PMEL: variants seen among roughly 807,000 people sequenced by gnomAD.
PMEL encodes melanocyte protein PMEL.
In PMEL, 53 loss-of-function variants were observed where a neutral mutation model predicts 64.9. The observed-to-expected ratio is 0.82, with a 90% confidence interval of 0.66 to 1.03. The LOEUF (loss-of-function observed/expected upper bound fraction) is 1.03. Ranked by LOEUF, PMEL falls within the 50% of genes least tolerant of loss-of-function variation. The probability of loss-of-function intolerance (pLI) is 0.00; values close to 1 mark genes in which losing one functional copy is unlikely to be tolerated. For synonymous variants in PMEL, 299 were observed against 316.2 expected (o/e 0.95, Z 0.58); for missense variants, 716 against 814.9 (o/e 0.88, Z 1.48).
Position 55,957,364 on chromosome 12 carries a change from G to A in PMEL, c.939C>T (p.His313=), listed in dbSNP as rs765196204. 3.0e-5 allele frequency: 48 copies of A among 1,595,744 alleles called. No homozygotes were observed. Among genetic ancestry groups the A allele is most frequent in the Middle Eastern group, 3.4e-4 (2 of 5,966 alleles). The change falls in exon 6 of 11, where the codon CAC becomes CAT. Residue 313 remains histidine (H), a synonymous_variant. Transcript: ENST00000548747. The part of the protein sequence containing the change: ...SSPVPGTTDG[H]RPTAEAPNTT... ...TGTTAGGGGCCTCTGCAGTTGGCCT[G>A]TGCCCATCTGTGGTGCCTGGAACTG...
intron 3 of PMEL, among the ~76,000 whole-genome samples, chr12:55,960,941 C>T (rs939998977): frequency 1.3e-4 from 20 of 150,722 alleles, no homozygotes; most frequent in African/African-American, 3.7e-4. Flanking sequence ...CGATGGCTCA[C>T]GCCTGTAATC....
In PMEL at chr12:55,955,566, G is replaced by A. The variant is rs761008475; in HGVS notation, c.1660C>T (p.Leu554=). Residue 554 remains leucine (L), a synonymous_variant, in exon 9 of 11, where the codon CTG becomes TTG. Coordinates refer to ENST00000548747, the MANE Select transcript of PMEL (RefSeq NM_001384361.1). ...GAGCCACCCTTCAGTATCTGGTGCA[G>A]AACCAGCTGGCAGGCTGGGCTGGGT... ...VLPSPACQLV[L]HQILKGGSGT... 3 of 1,614,130 alleles carry A rather than the reference G, an allele frequency of 1.9e-6. No homozygotes were observed. In the South Asian group the frequency reaches 3.3e-5, roughly 18 times the overall value.
chr12:55,962,878 T>G (rs1372092110), intron 1 of PMEL, among the ~76,000 whole-genome samples: 1 of 151,870 alleles, frequency 6.6e-6, no homozygotes, highest in Admixed American at 6.6e-5. Flanking sequence ...AAAATTTACT[T>G]TTAGCCAGGC....
chr12:55,962,156 A>G (rs1889126247), intron 1 of PMEL, among the ~76,000 whole-genome samples: 1 of 151,118 alleles, frequency 6.6e-6, no homozygotes, highest in Non-Finnish European at 1.5e-5. Flanking sequence ...TTTAAAACTC[A>G]TTTATTTGGC....
chr12:55,964,048 T>A (rs1889198382), intron 1 of PMEL, among the ~76,000 whole-genome samples: 1 of 152,112 alleles, frequency 6.6e-6, no homozygotes, highest in African/African-American at 2.4e-5. Context: ...CAGTGGCACG[T>A]TCATCACTCA....
At chr12:55,966,581 T>C (rs1889309840), upstream of PMEL, 1 of 621,364 alleles carries the variant, frequency 1.6e-6, no homozygotes, top group Non-Finnish European at 2.1e-6. Flanking sequence ...ACTAGAGACA[T>C]AGGTAGGAAA....
chr12:55,962,947 G>A (rs1565777571), intron 1 of PMEL, among the ~76,000 whole-genome samples: 1 of 152,042 alleles, frequency 6.6e-6, no homozygotes, highest in Non-Finnish European at 1.5e-5. Flanking sequence ...TGGATCACAA[G>A]GTCAGGAGTT....
intron 10 of PMEL, among the ~76,000 whole-genome samples, chr12:55,954,765 G>A (rs1888785068): frequency 6.6e-6 from 1 of 152,190 alleles, no homozygotes; most frequent in Non-Finnish European, 1.5e-5. Context: ...TTAGCCAGGT[G>A]TGGTGGCAGG....
chr12:55,961,607 C>A lies in PMEL; in HGVS notation c.187+15G>T. The stretch of plus-strand genomic sequence containing the variant: ...ACTCCCACCATGCCCTCCCCTGGAA[C>A]TTCCAAGTTCCTACCTCTCCAGCAG... On this transcript the variant is annotated intron_variant, in intron 2 of 10. Coordinates refer to ENST00000548747, the MANE Select transcript of PMEL (RefSeq NM_001384361.1). 6.2e-7 allele frequency: 1 copy of A among 1,608,292 alleles called. No homozygotes were observed. The highest frequency in any genetic ancestry group is 8.5e-7 in the Non-Finnish European group (1 of 1,175,060).
chr12:55,961,516 A>G, intron 2 of PMEL, 53 bp from the exon 3 acceptor site: 1 of 1,606,874 alleles, frequency 6.2e-7, no homozygotes, highest in Middle Eastern at 1.8e-4. Context: ...CTCCCTGTAT[A>G]CGTTTCCCCT....
At position 55,957,414 on chromosome 12, in the gene PMEL, G is replaced by A. The variant is rs1170132257; in HGVS notation, c.889C>T (p.Pro297Ser). 3 of 1,607,084 alleles carry A rather than the reference G, an allele frequency of 1.9e-6. No homozygotes were observed. Among genetic ancestry groups the A allele is most frequent in the Non-Finnish European group, 1.7e-6 (2 of 1,175,592 alleles). Residue 297 changes from proline to serine, a missense_variant, in exon 6 of 11, where the codon CCT becomes TCT. Transcript: ENST00000548747. ...TAQVVLQAAI[P>S]LTSCGSSPVP... is the part of the protein sequence containing the mutation. ...GGGGAGGAGCCACAGGAGGTGAGAG[G>A]AATGGCAGCCTGCAGGACCACCTGG... is the stretch of plus-strand genomic sequence containing the variant.
At chr12:55,954,427 C>T in intron 10 of PMEL, 78 bp from the exon 11 acceptor site, 1 of 1,454,398 alleles carries the variant, frequency 6.9e-7, no homozygotes, top group African/African-American at 1.4e-5. Context: ...GAAGGGAACA[C>T]ACCCATATCC....
chr12:55,957,331 A>C lies in PMEL; in HGVS notation c.972T>G (p.Ala324=), dbSNP rs1255829894. 1 of 1,600,732 alleles carries C rather than the reference A, an allele frequency of 6.2e-7. No homozygotes were observed. Among genetic ancestry groups the C allele is most frequent in the South Asian group, 1.1e-5 (1 of 89,574 alleles). The stretch of plus-strand genomic sequence containing the variant: ...CAACTTCTGTAGTAGGCACTTGGCC[A>C]GCTGTGGTGTTAGGGGCCTCTGCAG... ...RPTAEAPNTT[A]GQVPTTEVVG... Residue 324 remains alanine, a synonymous_variant, in exon 6 of 11, where the codon GCT becomes GCG. Coordinates refer to ENST00000548747, the MANE Select transcript of PMEL (RefSeq NM_001384361.1).
chr12:55,963,485 AT>A (rs561968104), intron 1 of PMEL, among the ~76,000 whole-genome samples: 554 of 152,376 alleles, frequency 3.6e-3, no homozygotes, highest in Non-Finnish European at 6.7e-3. Context: ...CAAATTTAAA[AT>A]GTATGAGTAT....
rs138137321 is a variant in PMEL, at chr12:55,961,359, G to A, written c.292C>T (p.Pro98Ser). ...LNFPGSQKVLPDGQVIWVNNT... is the reference protein window; with the variant it reads ...LNFPGSQKVLSDGQVIWVNNT... ...TTGACCCAGATAACCTGCCCATCTG[G>A]CAATACCTTTTGGCTTCCAGGGAAG... is the stretch of plus-strand genomic sequence containing the variant. The change falls in exon 3 of 11, where the codon CCA becomes TCA. Residue 98 changes from proline (P) to serine (S), a missense_variant. Transcript: ENST00000548747. The A allele has an allele frequency of 4.6e-5, 75 of 1,613,976 alleles. No individual in the cohort carries two copies. In the African/African-American group the frequency reaches 5.3e-4, roughly 11 times the overall value.
intron 1 of PMEL, among the ~76,000 whole-genome samples, chr12:55,964,557 C>T (rs1358814310): frequency 1.3e-5 from 2 of 152,058 alleles, no homozygotes; most frequent in African/African-American, 2.4e-5. Context: ...CCTATGACCA[C>T]GGCCTCCCAA....
At chr12:55,961,880 A>G in intron 1 of PMEL, 148 bp from the exon 2 acceptor site, 1 of 573,880 alleles carries the variant, frequency 1.7e-6, no homozygotes, top group South Asian at 2.1e-5. Flanking sequence ...CTTGTTGCCC[A>G]GGCTGGAGTG....
Position 55,955,350 on chromosome 12 carries a change from C to T in PMEL, c.1774G>A (p.Gly592Ser). 1 of 1,614,210 alleles carries T rather than the reference C, an allele frequency of 6.2e-7. No homozygotes were observed. The highest frequency in any genetic ancestry group is 8.5e-7 in the Non-Finnish European group (1 of 1,180,036). The change falls in exon 10 of 11, where the codon GGC becomes AGC. Residue 592 changes from glycine (G) to serine (S), a missense_variant. Transcript: ENST00000548747. ...ACGATCAGCGGAACCTGCCCAAGGC[C>T]TGCTTCTTGACCTGTGAGAAGAATC... ...TQLIMPGQEA[G>S]LGQVPLIVGI... is the part of the protein sequence containing the mutation.
At chr12:55,955,065 C>A (rs1336150298) in intron 10 of PMEL, among the ~76,000 whole-genome samples, 1 of 152,150 alleles carries the variant, frequency 6.6e-6, no homozygotes, top group African/African-American at 2.4e-5. Flanking sequence ...ATTAGTTTAC[C>A]TACTTTTCAG....
Sources: allele counts gnomAD v4.1 joint callset (sites outside exome capture counted in the v4.1 genomes callset), GRCh38; gene constraint gnomAD v4.1.1; transcripts MANE v1.5; gene names NCBI Gene and HGNC (gene_info 2026-07-23, HGNC 2026-07-21).